The following ADM5 variants were observed in gnomAD, a reference collection of about 807,000 sequenced individuals.
ADM5 encodes the protein adrenomedullin 5 (putative), also known as putative adrenomedullin-5-like protein.
Under a neutral mutation model 2.9 loss-of-function variants are expected in ADM5, and 1 was observed. That is an observed-to-expected ratio of 0.35 (90% CI 0.12 to 1.65). ADM5 has a LOEUF of 1.65. Ranked by LOEUF, ADM5 falls within the 40% of genes most tolerant of loss-of-function variation. The pLI, the probability that ADM5 is intolerant of heterozygous loss-of-function variation, is 0.36. For synonymous variants in ADM5, 90 were observed against 91.1 expected, an observed-to-expected ratio of 0.99 and a Z score of 0.07; for missense variants, 192 against 205.2, an observed-to-expected ratio of 0.94 and a Z score of 0.39.
At position 49,690,078 on chromosome 19, in the gene ADM5, C is replaced by A; in HGVS notation, c.75-28C>A. 1 of 1,545,426 alleles carries A rather than the reference C, an allele frequency of 6.5e-7. No homozygotes were observed. Among genetic ancestry groups the A allele is most frequent in the Non-Finnish European group, 8.7e-7 (1 of 1,142,986 alleles). ...CTCCATCTCTCAATTCGGTTTGAAC[C>A]CGGTTTTCTCCCACGCTCCCTCTCC... On this transcript the variant is annotated intron_variant, in intron 1 of 1. Coordinates refer to ENST00000420022, the MANE Select transcript of ADM5 (RefSeq NM_001101340.2). This position sits in a 1 kb window ranked among gnomAD's most constrained non-coding sequence, Gnocchi z 4.4.
In ADM5 at chr19:49,690,203, T is replaced by C. The variant is rs760889547; in HGVS notation, c.172T>C (p.Cys58Arg). The change falls in exon 2 of 2, where the codon TGT becomes CGT. Residue 58 changes from cysteine (C) to arginine (R), a missense_variant. Coordinates refer to ENST00000420022, the MANE Select transcript of ADM5 (RefSeq NM_001101340.2). The surrounding 1 kb of genome is among the most constrained non-coding windows in gnomAD (Gnocchi z 4.4). Reference protein sequence around the residue: ...RLAEIIYWIRCLHQGALGEGQ... With the variant: ...RLAEIIYWIRRLHQGALGEGQ... ...GGCGGAGATCATATACTGGATTCGC[T>C]GTCTCCACCAAGGAGCCCTCGGGGA... is the stretch of plus-strand genomic sequence containing the variant. The C allele has an allele frequency of 6.4e-7, 1 of 1,561,100 alleles. No homozygotes were observed. Among genetic ancestry groups the C allele is most frequent in the South Asian group, 1.2e-5 (1 of 84,584 alleles).
chr19:49,690,325 G>T lies in ADM5; in HGVS notation c.294G>T (p.Ala98=). 1 of 1,551,364 alleles carries T rather than the reference G, an allele frequency of 6.4e-7. No homozygotes were observed. The highest frequency in any genetic ancestry group is 8.7e-7 in the Non-Finnish European group (1 of 1,146,750). The change falls in exon 2 of 2, where the codon GCG becomes GCT. Residue 98 remains alanine (A), a synonymous_variant. Transcript: ENST00000420022. The surrounding 1 kb of genome is among the most constrained non-coding windows in gnomAD (Gnocchi z 4.4). ...GGTTCCCAGGATTCCGGCCTGCAGC[G>T]AGGGGGCTAGCGCAGTGCCCAGCTC... ...PARFPGFRPA[A]RGLAQCPARW... is the part of the protein sequence containing the mutation.
At position 49,689,871 on chromosome 19, in the gene ADM5, C is replaced by T; in HGVS notation, c.34C>T (p.Leu12Phe). 1 of 1,613,992 alleles carries T rather than the reference C, an allele frequency of 6.2e-7. No homozygotes were observed. The highest frequency in any genetic ancestry group is 8.5e-7 in the Non-Finnish European group (1 of 1,179,880). ...CCACATCCTCATCCTGCTGTTGCTC[C>T]TCGCCTTCTCCGCCCAAGGGGACCT... Reference protein sequence around the residue: ...TIHILILLLLLAFSAQGDLDT... With the variant: ...TIHILILLLLFAFSAQGDLDT... Residue 12 changes from leucine to phenylalanine, a missense_variant, in exon 1 of 2, where the codon CTC becomes TTC. Leu to Phe is a conservative substitution (Grantham distance 22). Transcript: ENST00000420022.
rs2082293966 is a variant in ADM5, at chr19:49,690,013, C to A, written c.75-93C>A. 3.1e-6 allele frequency: 5 copies of A among 1,601,884 alleles called. No individual in the cohort carries two copies. The highest frequency in any genetic ancestry group is 4.3e-6 in the Non-Finnish European group (5 of 1,173,246). On this transcript the variant is annotated intron_variant, in intron 1 of 1. Coordinates refer to ENST00000420022, the MANE Select transcript of ADM5 (RefSeq NM_001101340.2). This position sits in a 1 kb window ranked among gnomAD's most constrained non-coding sequence, Gnocchi z 4.4. ...ACGGGCAGGTGATCTGTAAGCCTCC[C>A]CGCTGGTCTTGGAGTGCTTGGGTGC...
Position 49,690,473 on chromosome 19 carries a change from C to A in ADM5, c.442C>A (p.Pro148Thr), listed in dbSNP as rs1223691895. 1.6e-5 allele frequency: 25 copies of A among 1,520,040 alleles called. No homozygotes were observed. The South Asian group carries it at 2.4e-4, about 14-fold the overall frequency. 94.2% of individuals were successfully genotyped at this position (1,520,040 alleles called of 1,614,324 possible). ...TPAPETVFPS[P>T]SPGCD ...AGCCCCTGAAACCGTCTTCCCCAGT[C>A]CCTCCCCGGGCTGCGACTAGGTTGG... Residue 148 changes from proline (P) to threonine (T), a missense_variant, in exon 2 of 2, where the codon CCC (proline) becomes ACC (threonine). Coordinates refer to ENST00000420022, the MANE Select transcript of ADM5 (RefSeq NM_001101340.2). This position sits in a 1 kb window ranked among gnomAD's most constrained non-coding sequence, Gnocchi z 4.4.
chr19:49,690,000 T>A, intron 1 of ADM5, 89 bp downstream of exon 1: 3 of 1,606,814 alleles, frequency 1.9e-6, no homozygotes, highest in South Asian at 2.2e-5. Flanking sequence ...GGGCAGGTGA[T>A]CTGTAAGCCT....
Position 49,690,186 on chromosome 19 carries a change from TCA to T in ADM5, c.156_157del (p.Tyr54LeufsTer88). Reference sequence around the variant, plus strand: ...TGCCGGACCCACCGCCTGGCGGAGATCATATACTGGATTCGCTGTCTCCACCA... The same window carrying T: ...TGCCGGACCCACCGCCTGGCGGAGATTATACTGGATTCGCTGTCTCCACCA... On this transcript the variant is annotated frameshift_variant, in exon 2 of 2. Transcript: ENST00000420022. LOFTEE classifies it low-confidence loss of function (END_TRUNC). This position sits in a 1 kb window ranked among gnomAD's most constrained non-coding sequence, Gnocchi z 4.4. 2 of 1,565,198 alleles carry T rather than the reference TCA, an allele frequency of 1.3e-6. No homozygotes were observed. The highest frequency in any genetic ancestry group is 1.7e-6 in the Non-Finnish European group (2 of 1,155,748).
At position 49,690,027 on chromosome 19, in the gene ADM5, G is replaced by T; in HGVS notation, c.75-79G>T. The T allele has an allele frequency of 6.3e-7, 1 of 1,586,914 alleles. No individual in the cohort carries two copies. Among genetic ancestry groups the T allele is most frequent in the Non-Finnish European group, 8.6e-7 (1 of 1,164,958 alleles). ...TGTAAGCCTCCCCGCTGGTCTTGGA[G>T]TGCTTGGGTGCCCACCTCCATCACG... On this transcript the variant is annotated intron_variant, in intron 1 of 1. Coordinates refer to ENST00000420022, the MANE Select transcript of ADM5 (RefSeq NM_001101340.2). The surrounding 1 kb of genome is among the most constrained non-coding windows in gnomAD (Gnocchi z 4.4).
rs775914679 is a variant in ADM5 at position 49,690,375 on chromosome 19, G to T, written c.344G>T (p.Arg115Leu). ...CGCTGGGTGACCTCGGGCACGGCTC[G>T]TCCCCTCCTCGGCTTCAGTTTGCCT... ...PARWVTSGTA[R>L]PLLGFSLPIC... The change falls in exon 2 of 2, where the codon CGT becomes CTT. Residue 115 changes from arginine (R) to leucine (L), a missense_variant. Physicochemically the swap from Arg to Leu is moderately radical, Grantham distance 102. Transcript: ENST00000420022. This position sits in a 1 kb window ranked among gnomAD's most constrained non-coding sequence, Gnocchi z 4.4. The T allele has an allele frequency of 1.1e-5, 17 of 1,550,288 alleles. No homozygotes were observed. The highest frequency in any genetic ancestry group is 1.4e-5 in the Non-Finnish European group (16 of 1,146,788).
rs1304449295 is a variant in ADM5 at position 49,690,342 on chromosome 19, G to GCC, written c.313_314dup (p.Ala106GlnfsTer5). 3.2e-6 allele frequency: 5 copies of GCC among 1,551,590 alleles called. No individual in the cohort carries two copies. The highest frequency in any genetic ancestry group is 4.4e-6 in the Non-Finnish European group (5 of 1,146,896). On this transcript the variant is annotated frameshift_variant, in exon 2 of 2. Coordinates refer to ENST00000420022, the MANE Select transcript of ADM5 (RefSeq NM_001101340.2). LOFTEE classifies it low-confidence loss of function (END_TRUNC). This position sits in a 1 kb window ranked among gnomAD's most constrained non-coding sequence, Gnocchi z 4.4. ...CCTGCAGCGAGGGGGCTAGCGCAGT[G>GCC]CCCAGCTCGCTGGGTGACCTCGGGC...
In ADM5 at chr19:49,690,167, AC is replaced by A; in HGVS notation, c.139del (p.His47ThrfsTer55). 1 of 1,569,340 alleles carries A rather than the reference AC, an allele frequency of 6.4e-7. No individual in the cohort carries two copies. The highest frequency in any genetic ancestry group is 8.6e-7 in the Non-Finnish European group (1 of 1,158,066). On this transcript the variant is annotated frameshift_variant, in exon 2 of 2. Transcript: ENST00000420022. LOFTEE classifies it low-confidence loss of function (END_TRUNC). This position sits in a 1 kb window ranked among gnomAD's most constrained non-coding sequence, Gnocchi z 4.4. ...CGTCTGCTACCTGGGCGTATGCCGG[AC>A]CCACCGCCTGGCGGAGATCATATAC... ...GHVCYLGVCR[T>X]HRLAEIIYWI...
rs778277957 is a variant in ADM5 at position 49,689,790 on chromosome 19, G to A, written c.-48G>A. ...GATCAGCCCGGTGCGGGAACGGGGC[G>A]GGGTGGCCGCAACTACGGGCCACGG... On this transcript the variant is annotated 5_prime_UTR_variant, in exon 1 of 2. Coordinates refer to ENST00000420022, the MANE Select transcript of ADM5 (RefSeq NM_001101340.2). 11 of 1,609,104 alleles carry A rather than the reference G, an allele frequency of 6.8e-6. No homozygotes were observed. Among genetic ancestry groups the A allele is most frequent in the South Asian group, 1.1e-5 (1 of 90,968 alleles).
Position 49,690,120 on chromosome 19 carries a change from A to T in ADM5, c.89A>T (p.Gln30Leu), listed in dbSNP as rs1270073163. 6.4e-7 allele frequency: 1 copy of T among 1,559,774 alleles called. No individual in the cohort carries two copies. Residue 30 changes from glutamine to leucine, a missense_variant, in exon 2 of 2, where the codon CAG (glutamine) becomes CTG (leucine). Physicochemically the swap from Gln to Leu is moderately radical, Grantham distance 113. Coordinates refer to ENST00000420022, the MANE Select transcript of ADM5 (RefSeq NM_001101340.2). This position sits in a 1 kb window ranked among gnomAD's most constrained non-coding sequence, Gnocchi z 4.4. ...LDTAARRGQH[Q>L]VPQHRGHVCY... ...TCCCTCTCCAGGCGAGGCCAGCACC[A>T]GGTCCCCCAGCACCGCGGGCACGTC...
rs1599957403 is a variant in ADM5, at chr19:49,689,764, C to A, written c.-74C>A. On this transcript the variant is annotated 5_prime_UTR_variant, in exon 1 of 2. Coordinates refer to ENST00000420022, the MANE Select transcript of ADM5 (RefSeq NM_001101340.2). ...CTGGCTCCAGAGCTGCACCCAGAGG[C>A]GATCAGCCCGGTGCGGGAACGGGGC... 1.3e-6 allele frequency: 2 copies of A among 1,574,446 alleles called. No individual in the cohort carries two copies. Among genetic ancestry groups the A allele is most frequent in the East Asian group, 2.2e-5 (1 of 44,708 alleles).
rs2082290936 is a variant in ADM5 at position 49,689,918 on chromosome 19, A to C, written c.74+7A>C. ...ACCTGGACACTGCAGCCAGGTGAGAAACCCGGGTGGCAGCAGGGACAGGGC... is the reference window on the plus strand; with the variant it reads ...ACCTGGACACTGCAGCCAGGTGAGACACCCGGGTGGCAGCAGGGACAGGGC... On this transcript the variant is annotated splice_region_variant and intron_variant, in intron 1 of 1. Transcript: ENST00000420022. The C allele has an allele frequency of 6.2e-6, 10 of 1,613,906 alleles. No homozygotes were observed. The highest frequency in any genetic ancestry group is 8.5e-6 in the Non-Finnish European group (10 of 1,179,848).
rs1277159315 is a variant in ADM5 at position 49,689,779 on chromosome 19, G to A, written c.-59G>A. 2.0e-5 allele frequency: 32 copies of A among 1,599,838 alleles called. No individual in the cohort carries two copies. The highest frequency in any genetic ancestry group is 2.7e-5 in the Non-Finnish European group (31 of 1,167,760). ...CACCCAGAGGCGATCAGCCCGGTGC[G>A]GGAACGGGGCGGGGTGGCCGCAACT... On this transcript the variant is annotated 5_prime_UTR_variant, in exon 1 of 2. Transcript: ENST00000420022.
chr19:49,690,125 C>T lies in ADM5; in HGVS notation c.94C>T (p.Pro32Ser). 6.4e-7 allele frequency: 1 copy of T among 1,562,558 alleles called. No homozygotes were observed. Among genetic ancestry groups the T allele is most frequent in the East Asian group, 2.4e-5 (1 of 41,706 alleles). The change falls in exon 2 of 2, where the codon CCC (proline) becomes TCC (serine). Residue 32 changes from proline to serine, a missense_variant. Physicochemically the swap from Pro to Ser is moderately conservative, Grantham distance 74. Coordinates refer to ENST00000420022, the MANE Select transcript of ADM5 (RefSeq NM_001101340.2). The surrounding 1 kb of genome is among the most constrained non-coding windows in gnomAD (Gnocchi z 4.4). ...CTCCAGGCGAGGCCAGCACCAGGTCCCCCAGCACCGCGGGCACGTCTGCTA... is the reference window on the plus strand; with the variant it reads ...CTCCAGGCGAGGCCAGCACCAGGTCTCCCAGCACCGCGGGCACGTCTGCTA... ...TAARRGQHQV[P>S]QHRGHVCYLG...
chr19:49,690,515 G>C lies in ADM5; in HGVS notation c.*22G>C. The C allele has an allele frequency of 6.8e-7, 1 of 1,466,208 alleles. No individual in the cohort carries two copies. The highest frequency in any genetic ancestry group is 9.1e-7 in the Non-Finnish European group (1 of 1,101,090). 90.8% of individuals were successfully genotyped at this position (1,466,208 alleles called of 1,614,324 possible). ...CTAGGTTGGACCTAGAAGCACACGGGACCAGGCTGGGCGAAGAACACTGAC... is the reference window on the plus strand; with the variant it reads ...CTAGGTTGGACCTAGAAGCACACGGCACCAGGCTGGGCGAAGAACACTGAC... On this transcript the variant is annotated 3_prime_UTR_variant, in exon 2 of 2. Coordinates refer to ENST00000420022, the MANE Select transcript of ADM5 (RefSeq NM_001101340.2). This position sits in a 1 kb window ranked among gnomAD's most constrained non-coding sequence, Gnocchi z 4.4.
In ADM5 at chr19:49,690,180, CGGA is replaced by C; in HGVS notation, c.151_153del (p.Glu51del). On this transcript the variant is annotated inframe_deletion, in exon 2 of 2. Coordinates refer to ENST00000420022, the MANE Select transcript of ADM5 (RefSeq NM_001101340.2). The surrounding 1 kb of genome is among the most constrained non-coding windows in gnomAD (Gnocchi z 4.4). Reference sequence around the variant, plus strand: ...GGCGTATGCCGGACCCACCGCCTGGCGGAGATCATATACTGGATTCGCTGTCTC... The same window carrying C: ...GGCGTATGCCGGACCCACCGCCTGGCGATCATATACTGGATTCGCTGTCTC... 6.4e-7 allele frequency: 1 copy of C among 1,566,214 alleles called. No homozygotes were observed. Among genetic ancestry groups the C allele is most frequent in the Non-Finnish European group, 8.6e-7 (1 of 1,156,276 alleles).
Sources: gnomAD v4.1 joint callset for allele counts on GRCh38, gnomAD v4.1.1 for gene constraint, Gnocchi (gnomAD v3.1) non-coding constraint, MANE v1.5 for transcripts, NCBI Gene and HGNC (gene_info 2026-07-23, HGNC 2026-07-21) for gene names.